The following FAM114A2 variants were observed in gnomAD, a reference collection of about 807,000 sequenced individuals.
FAM114A2 encodes protein FAM114A2.
A neutral mutation model predicts 58.4 loss-of-function variants in FAM114A2; 53 were observed. The ratio of observed to expected loss-of-function variants is 0.91; its 90% confidence interval spans 0.73 to 1.14. FAM114A2 has a LOEUF of 1.14. Ranked by LOEUF, FAM114A2 falls within the 50% of genes most tolerant of loss-of-function variation. The pLI, the probability that FAM114A2 is intolerant of heterozygous loss-of-function variation, is 0.00. For missense variants in FAM114A2, 601 were observed against 581.1 expected (o/e 1.03, Z -0.35); for synonymous variants, 228 against 211.4 (o/e 1.08, Z -0.68).
rs1769452178 is a variant in FAM114A2 at position 153,994,843 on chromosome 5, C to A, written c.1383+76G>T. On this transcript the variant is annotated intron_variant, in intron 13 of 13. Coordinates refer to ENST00000351797, the MANE Select transcript of FAM114A2 (RefSeq NM_018691.4). ...CAATATGGTGAATAAAATAAAAAAG[C>A]CAAAAGCAAAAGGCTTCAGAAGAGT... The A allele has an allele frequency of 4.2e-6, 4 of 950,388 alleles. No homozygotes were observed. The East Asian group carries it at 9.7e-5, about 23-fold the overall frequency. 58.9% of individuals were successfully genotyped at this position (950,388 alleles called of 1,614,324 possible).
intron 10 of FAM114A2, 58 bp downstream of exon 10, chr5:154,002,789 T>C (rs1330436398): frequency 9.4e-6 from 15 of 1,590,482 alleles, no homozygotes; most frequent in Admixed American, 1.7e-5. Flanking sequence ...GGGTCCCTGA[T>C]TGTGACACAT....
intron 11 of FAM114A2, among the ~76,000 whole-genome samples, chr5:153,998,762 G>A (rs1174015467): frequency 2.0e-5 from 3 of 151,966 alleles, no homozygotes; most frequent in African/African-American, 7.3e-5. Flanking sequence ...AGCCAAATAA[G>A]CCTCTTTTCT....
chr5:154,011,947 C>T (rs1018963049), intron 8 of FAM114A2, among the ~76,000 whole-genome samples: 9 of 152,100 alleles, frequency 5.9e-5, no homozygotes, highest in African/African-American at 2.2e-4. Flanking sequence ...GCCATATAAT[C>T]GATGGTGAAG....
chr5:154,021,962 C>G (rs1333655482), intron 8 of FAM114A2, among the ~76,000 whole-genome samples: 1 of 152,174 alleles, frequency 6.6e-6, no homozygotes. Context: ...ACCAATGGAA[C>G]AGAACAGAGG....
chr5:153,997,440 A>G (rs911823878), intron 12 of FAM114A2, among the ~76,000 whole-genome samples: 2 of 152,200 alleles, frequency 1.3e-5, no homozygotes, highest in South Asian at 2.1e-4. Flanking sequence ...ACATGCTACA[A>G]TGTGGATAAG....
rs551072940 is a variant in FAM114A2, at chr5:153,992,955, A to G, written c.*21T>C. On this transcript the variant is annotated 3_prime_UTR_variant, in exon 14 of 14. Transcript: ENST00000351797. ...GCATTCCTTGGCCGTCACAAGTCCC[A>G]GGTCAAAACGTCTCCATTCTTCAAT... 3 of 1,602,446 alleles carry G rather than the reference A, an allele frequency of 1.9e-6. No homozygotes were observed. The Admixed American group carries it at 5.1e-5, about 27-fold the overall frequency.
rs148963866 is a variant in FAM114A2 at position 154,005,612 on chromosome 5, G to C, written c.994-2643C>G. ...AGGGATAGAGATAGGTTCCTGAATA[G>C]AGCCATGCCTGAAGCCAGTTCTGCT... is the stretch of plus-strand genomic sequence containing the variant. On this transcript the variant is annotated intron_variant, in intron 9 of 13. Transcript: ENST00000351797. Among the ~76,000 whole-genome samples the C allele has an allele frequency of 1.9e-3, 290 of 152,296 alleles. 7 individuals carry two copies. In the East Asian group the frequency reaches 0.048, roughly 25 times the overall value.
Position 154,002,273 on chromosome 5 carries a change from C to A in FAM114A2, c.1234G>T (p.Glu412Ter). 6.2e-7 allele frequency: 1 copy of A among 1,614,014 alleles called. No homozygotes were observed. Among genetic ancestry groups the A allele is most frequent in the Non-Finnish European group, 8.5e-7 (1 of 1,179,874 alleles). Residue 412 changes from glutamate (E) to a stop codon, truncating the protein, a stop_gained, in exon 11 of 14, where the codon GAA becomes TAA. Coordinates refer to ENST00000351797, the MANE Select transcript of FAM114A2 (RefSeq NM_018691.4). LOFTEE classifies it high-confidence loss of function. Reference protein sequence around the residue: ...HGRKQEVTAIERSQTLSQMTI... With the variant: ...HGRKQEVTAI ...TACTGGGAAAGAGTTTGGCTCCTTT[C>A]TATGGCTGTCACTTCCTGCTTCCTG...
At chr5:154,024,789 T>C (rs907190864) in intron 8 of FAM114A2, among the ~76,000 whole-genome samples, 1 of 152,174 alleles carries the variant, frequency 6.6e-6, no homozygotes, top group African/African-American at 2.4e-5. Context: ...AAATATTGGT[T>C]CTCTGAGTTA....
chr5:154,003,811 G>A (rs1352450673), intron 9 of FAM114A2, among the ~76,000 whole-genome samples: 1 of 152,142 alleles, frequency 6.6e-6, no homozygotes, highest in Non-Finnish European at 1.5e-5. Flanking sequence ...TATCCATGTT[G>A]CTGCATGTAT....
chr5:154,011,046 G>A (rs913880292), intron 9 of FAM114A2, among the ~76,000 whole-genome samples, 195 bp downstream of exon 9: 2 of 152,174 alleles, frequency 1.3e-5, no homozygotes, highest in African/African-American at 4.8e-5. Flanking sequence ...GACACGTGTT[G>A]TGGGGCAGAT....
intron 8 of FAM114A2, among the ~76,000 whole-genome samples, chr5:154,023,251 G>A (rs565099780): frequency 3.8e-4 from 58 of 152,192 alleles, no homozygotes; most frequent in African/African-American, 1.2e-3. Flanking sequence ...AGGCCTGCAC[G>A]TTGTGCACAT....
At chr5:154,023,814 C>T (rs1385591834) in intron 8 of FAM114A2, among the ~76,000 whole-genome samples, 2 of 151,886 alleles carry the variant, frequency 1.3e-5, no homozygotes, top group African/African-American at 4.8e-5. Context: ...ACAAAAAGCA[C>T]TGGTAAAGAT....
At position 154,029,506 on chromosome 5, in the gene FAM114A2, T is replaced by A. The variant is rs1193391557; in HGVS notation, c.478A>T (p.Thr160Ser). The A allele has an allele frequency of 6.2e-7, 1 of 1,604,518 alleles. No individual in the cohort carries two copies. Among genetic ancestry groups the A allele is most frequent in the Non-Finnish European group, 8.5e-7 (1 of 1,171,776 alleles). ...TTACTTACTGTGCTCTGAACAGCAGTAGAGATGGTAGAGAATACACCAAAT... is the reference window on the plus strand; with the variant it reads ...TTACTTACTGTGCTCTGAACAGCAGAAGAGATGGTAGAGAATACACCAAAT... ...GAFGVFSTISTAVQSTGKSVI... is the reference protein window; with the variant it reads ...GAFGVFSTISSAVQSTGKSVI... The change falls in exon 5 of 14, where the codon ACT becomes TCT. Residue 160 changes from threonine to serine, a missense_variant. Coordinates refer to ENST00000351797, the MANE Select transcript of FAM114A2 (RefSeq NM_018691.4).
In FAM114A2 at chr5:153,998,558, A is replaced by ATT. The variant is rs564032608; in HGVS notation, c.1257-685_1257-684dup. Among the ~76,000 whole-genome samples, 5 of 152,290 alleles carry ATT rather than the reference A, an allele frequency of 3.3e-5. No individual in the cohort carries two copies. In the East Asian group the frequency reaches 9.7e-4, roughly 29 times the overall value. On this transcript the variant is annotated intron_variant, in intron 11 of 13. Coordinates refer to ENST00000351797, the MANE Select transcript of FAM114A2 (RefSeq NM_018691.4). ...CATGCAGGTCTCTTTGCACACATCC[A>ATT]TTTGTCTTTCTGCTTCTTTACCATG...
intron 8 of FAM114A2, among the ~76,000 whole-genome samples, chr5:154,022,903 T>C (rs1284580660): frequency 6.6e-6 from 1 of 152,144 alleles, no homozygotes; most frequent in African/African-American, 2.4e-5. Context: ...CCATCAATGA[T>C]AGACTGGATT....
At chr5:153,998,889 A>C (rs961494652) in intron 11 of FAM114A2, among the ~76,000 whole-genome samples, 1 of 152,250 alleles carries the variant, frequency 6.6e-6, no homozygotes, top group African/African-American at 2.4e-5. Flanking sequence ...GAAGCTATAA[A>C]GTGCTTCCTT....
Position 154,002,889 on chromosome 5 carries a change from C to G in FAM114A2, c.1074G>C (p.Ser358=). ...TGACTTGCTCAGTATTTTCTGCTTC[C>G]GACTGTTTTTCTCCTTCTTCATTCT... The part of the protein sequence containing the change: ...LAENEEGEKQ[S]EAENTEQVNK... The change falls in exon 10 of 14, where the codon TCG becomes TCC. Residue 358 remains serine, a synonymous_variant. Coordinates refer to ENST00000351797, the MANE Select transcript of FAM114A2 (RefSeq NM_018691.4). 1 of 1,613,962 alleles carries G rather than the reference C, an allele frequency of 6.2e-7. No individual in the cohort carries two copies. The highest frequency in any genetic ancestry group is 8.5e-7 in the Non-Finnish European group (1 of 1,179,878).
intron 8 of FAM114A2, among the ~76,000 whole-genome samples, chr5:154,018,028 A>T (rs1200094535): frequency 1.3e-5 from 2 of 152,204 alleles, no homozygotes; most frequent in Non-Finnish European, 2.9e-5. Context: ...AGAACAAACC[A>T]AACCCAAACC....
Sources: allele counts gnomAD v4.1 joint callset (sites outside exome capture counted in the v4.1 genomes callset), GRCh38; gene constraint gnomAD v4.1.1; transcripts MANE v1.5; gene names NCBI Gene and HGNC (gene_info 2026-07-23, HGNC 2026-07-21).